The following LRP1B variants were observed in gnomAD, a reference collection of about 807,000 sequenced individuals.
LRP1B encodes LDL receptor related protein 1B.
A neutral mutation model predicts 556.6 loss-of-function variants in LRP1B; 217 were observed. The ratio of observed to expected loss-of-function variants is 0.39; its 90% confidence interval spans 0.35 to 0.44. The LOEUF (loss-of-function observed/expected upper bound fraction) is 0.44, where lower values mean the gene tolerates loss of function less well. Ranked by LOEUF, LRP1B falls within the 20% of genes least tolerant of loss-of-function variation. LRP1B has a pLI of 1.00. For synonymous variants in LRP1B, 2,047 were observed against 1,865.8 expected (o/e 1.10, Z -2.50); for missense variants, 5,053 against 5,620.8 (o/e 0.90, Z 3.23).
intron 1 of LRP1B, among the ~76,000 whole-genome samples, chr2:141,934,149 T>A (rs924442038): frequency 3.9e-5 from 6 of 152,122 alleles, no homozygotes; most frequent in Non-Finnish European, 7.4e-5. Context: ...GCTTTTTATA[T>A]GTAAAATCAA....
chr2:140,466,101 T>C (rs1172415703), intron 60 of LRP1B, among the ~76,000 whole-genome samples: 4 of 150,850 alleles, frequency 2.7e-5, no homozygotes, highest in African/African-American at 9.7e-5. Flanking sequence ...GAAGTATTAT[T>C]TCAATTTCCT....
chr2:141,899,137 G>A (rs62155428), intron 1 of LRP1B, among the ~76,000 whole-genome samples: 64,234 of 151,864 alleles, frequency 0.42, 13,658 homozygotes, highest in Admixed American at 0.49. Context: ...TTATATGTGA[G>A]GGTGGCAGTG....
chr2:141,181,064 T>C (rs921375804), intron 7 of LRP1B, among the ~76,000 whole-genome samples: 1 of 151,942 alleles, frequency 6.6e-6, no homozygotes, highest in African/African-American at 2.4e-5. Flanking sequence ...TTGTTAATGG[T>C]AAAAATTGTC....
chr2:140,274,720 C>A (rs1272354922), intron 84 of LRP1B, 122 bp from the exon 85 acceptor site: 12 of 750,896 alleles, frequency 1.6e-5, no homozygotes, highest in Non-Finnish European at 2.5e-5. Context: ...TTTACAAAAG[C>A]AGCTTATAAT....
intron 35 of LRP1B, among the ~76,000 whole-genome samples, chr2:140,755,322 A>C (rs1688708433): frequency 6.6e-6 from 1 of 152,046 alleles, no homozygotes; most frequent in Non-Finnish European, 1.5e-5. Flanking sequence ...ATGAGGCCAA[A>C]ATATGTGTTA....
At chr2:140,842,285 G>T (rs1468792725) in intron 29 of LRP1B, among the ~76,000 whole-genome samples, 1 of 152,170 alleles carries the variant, frequency 6.6e-6, no homozygotes, top group African/African-American at 2.4e-5. Flanking sequence ...AAGATGTGGG[G>T]GCCTGGCAGT....
At chr2:140,620,190 C>T (rs564846711) in intron 41 of LRP1B, among the ~76,000 whole-genome samples, 3 of 152,206 alleles carry the variant, frequency 2.0e-5, no homozygotes, top group African/African-American at 7.2e-5. Context: ...GAAAAGTTAG[C>T]CTGTCACAAT....
chr2:140,244,789 A>G (rs974439578), intron 87 of LRP1B, among the ~76,000 whole-genome samples: 5 of 151,368 alleles, frequency 3.3e-5, no homozygotes, highest in Non-Finnish European at 7.4e-5. Context: ...ATTCTGGACT[A>G]TGCCAACAGA....
intron 2 of LRP1B, among the ~76,000 whole-genome samples, chr2:141,582,929 G>A (rs902810192): frequency 7.0e-6 from 1 of 141,952 alleles, no homozygotes; most frequent in Non-Finnish European, 1.5e-5. Flanking sequence ...TCCGCCTCCT[G>A]GGTTCACGCC....
chr2:140,287,724 A>G (rs992616003), intron 84 of LRP1B, among the ~76,000 whole-genome samples: 1 of 150,422 alleles, frequency 6.6e-6, no homozygotes, highest in Non-Finnish European at 1.5e-5. Context: ...GTGGCTTCCT[A>G]TTCCCATGGT....
At chr2:142,057,368 A>T (rs1201999098) in intron 1 of LRP1B, among the ~76,000 whole-genome samples, 1 of 152,144 alleles carries the variant, frequency 6.6e-6, no homozygotes, top group Non-Finnish European at 1.5e-5. Context: ...GACCTAAAAA[A>T]TCCAAGTTCT....
intron 66 of LRP1B, among the ~76,000 whole-genome samples, chr2:140,400,897 C>T (rs376243277): frequency 5.3e-5 from 8 of 152,122 alleles, no homozygotes; most frequent in South Asian, 2.1e-4. Context: ...TTAAACCTCC[C>T]AGAGCTGGAA....
chr2:140,547,199 A>T (rs778309091), intron 43 of LRP1B, among the ~76,000 whole-genome samples: 20 of 151,910 alleles, frequency 1.3e-4, no homozygotes, highest in Non-Finnish European at 2.4e-4. Context: ...CCTCCTCCTC[A>T]ATTTTTTTGT....
intron 1 of LRP1B, among the ~76,000 whole-genome samples, chr2:142,092,833 T>C (rs551146766): frequency 1.3e-5 from 2 of 152,260 alleles, no homozygotes; most frequent in South Asian, 4.1e-4. Flanking sequence ...TTTTCAGTTT[T>C]CCTTGTGAAT....
intron 3 of LRP1B, among the ~76,000 whole-genome samples, chr2:141,271,733 C>A (rs1685098112): frequency 6.9e-6 from 1 of 145,420 alleles, no homozygotes. Context: ...TCTTTAGACA[C>A]AGAACAATTG....
intron 3 of LRP1B, among the ~76,000 whole-genome samples, chr2:141,381,679 G>T (rs145116441): frequency 2.4e-4 from 36 of 152,020 alleles, no homozygotes; most frequent in South Asian, 6.2e-4. Flanking sequence ...GCTTAATAAA[G>T]ACAGTCAAGA....
At chr2:141,209,006 A>T (rs932982068) in intron 6 of LRP1B, among the ~76,000 whole-genome samples, 14 of 151,746 alleles carry the variant, frequency 9.2e-5, no homozygotes, top group African/African-American at 3.4e-4. Context: ...AATATTTGGG[A>T]TGCTAATATG....
chr2:141,820,728 A>C (rs1696723355), intron 1 of LRP1B, among the ~76,000 whole-genome samples: 1 of 152,238 alleles, frequency 6.6e-6, no homozygotes, highest in Non-Finnish European at 1.5e-5. Context: ...AGATTGGTGT[A>C]CAATTCTAGC....
At chr2:140,391,661 G>A (rs1233395619) in intron 66 of LRP1B, among the ~76,000 whole-genome samples, 1 of 152,046 alleles carries the variant, frequency 6.6e-6, no homozygotes, top group Non-Finnish European at 1.5e-5. Flanking sequence ...ACAGAGAATT[G>A]CCTGTAAAAC....
Sources: gnomAD v4.1 joint callset for allele counts (sites outside exome capture counted in the v4.1 genomes callset) on GRCh38, gnomAD v4.1.1 for gene constraint, MANE v1.5 for transcripts, NCBI Gene and HGNC (gene_info 2026-07-23, HGNC 2026-07-21) for gene names.